The following BAZ1B variants were observed in gnomAD, a reference collection of about 807,000 sequenced individuals.
BAZ1B encodes tyrosine-protein kinase BAZ1B.
In BAZ1B, 22 loss-of-function variants were observed where a neutral mutation model predicts 153.8. The ratio of observed to expected loss-of-function variants is 0.14; its 90% CI spans 0.10 to 0.20. BAZ1B has a LOEUF of 0.20. BAZ1B is among the 10% of genes least tolerant of loss of function. BAZ1B has a pLI of 1.00. For synonymous variants in BAZ1B, 676 were observed against 633.4 expected (o/e 1.07, Z -1.01); for missense variants, 1,325 against 1,799.3 (o/e 0.74, Z 4.77).
chr7:73,481,269 T>C (rs1427539471), intron 6 of BAZ1B, among the ~76,000 whole-genome samples: 1 of 151,138 alleles, frequency 6.6e-6, no homozygotes, highest in African/African-American at 2.4e-5. Context: ...GGTTCACGCC[T>C]GTAATCCCAG....
intron 4 of BAZ1B, among the ~76,000 whole-genome samples, chr7:73,497,065 C>CAAAAAAAAAAAAAAAAAAAAAAA (rs1156829240): frequency 3.2e-4 from 16 of 49,484 alleles, no homozygotes; most frequent in African/African-American, 9.7e-4. Flanking sequence ...CTGACCTCTA[C>CAAAAAAAAAAAAAAAAAAAAAAA]AAAAAAAAAA....
intron 11 of BAZ1B, 140 bp from the exon 12 acceptor site, chr7:73,463,239 C>A: frequency 1.1e-4 from 52 of 466,228 alleles, no homozygotes; most frequent in Non-Finnish European, 1.7e-4. Flanking sequence ...TTTCTTTTTT[C>A]TTTTTTTTTT....
At chr7:73,516,516 G>A (rs1336453873) in intron 1 of BAZ1B, among the ~76,000 whole-genome samples, 3 of 151,948 alleles carry the variant, frequency 2.0e-5, no homozygotes, top group Non-Finnish European at 4.4e-5. Context: ...CAGGCGCGGT[G>A]GCTCACGTCT....
In BAZ1B at chr7:73,521,986, G is replaced by C. The variant is rs555156694; in HGVS notation, c.-53C>G. ...CTGCTGGGGCCGGCCCCGCGGCGCA[G>C]CACTAGGCCCCGCGGCCCGGAGCGA... On this transcript the variant is annotated 5_prime_UTR_variant, in exon 1 of 20. Transcript: ENST00000339594. 1 of 1,212,886 alleles carries C rather than the reference G, an allele frequency of 8.2e-7. No individual in the cohort carries two copies. Among genetic ancestry groups the C allele is most frequent in the Non-Finnish European group, 1.0e-6 (1 of 966,186 alleles). The allele number at this position is 1,212,886 out of a possible 1,614,324, so 75.1% of individuals were successfully genotyped here.
Position 73,450,959 on chromosome 7 carries a change from G to T in BAZ1B, c.3468C>A (p.Ile1156=). The change falls in exon 14 of 20, where the codon ATC becomes ATA. Residue 1156 remains isoleucine (I), a synonymous_variant. Coordinates refer to ENST00000339594, the MANE Select transcript of BAZ1B (RefSeq NM_032408.4). This position sits in a 1 kb window ranked among gnomAD's most constrained non-coding sequence, Gnocchi z 4.1. ...TCCTGGAGAAAGTCTGAGCTTCCCG[G>T]ATTGCTGTCTTCCATTTCTCCAGTG... ...ASALEKWKTA[I]REAQTFSRMH... is the part of the protein sequence containing the mutation. 1 of 1,614,168 alleles carries T rather than the reference G, an allele frequency of 6.2e-7. No individual in the cohort carries two copies. Among genetic ancestry groups the T allele is most frequent in the African/African-American group, 1.3e-5 (1 of 75,024 alleles).
In BAZ1B at chr7:73,498,605, C is replaced by T; in HGVS notation, c.463G>A (p.Ala155Thr). ...TTGTCACTTGATGGAGAATCACAGG[C>T]ACCATCAGATTTCTTCTCAGTGGCC... ...EEATEKKSDG[A>T]CDSPSSDKEN... The change falls in exon 4 of 20, where the codon GCC becomes ACC. Residue 155 changes from alanine to threonine, a missense_variant. Transcript: ENST00000339594. 1 of 1,614,088 alleles carries T rather than the reference C, an allele frequency of 6.2e-7. No homozygotes were observed. The highest frequency in any genetic ancestry group is 1.3e-5 in the African/African-American group (1 of 75,040).
At chr7:73,466,223 A>T in intron 10 of BAZ1B, 73 bp downstream of exon 10, 1 of 1,076,176 alleles carries the variant, frequency 9.3e-7, no homozygotes, top group East Asian at 2.4e-5. Flanking sequence ...CACTGGCATC[A>T]CTATACTAAA....
Position 73,477,783 on chromosome 7 carries a change from C to T in BAZ1B, c.1678G>A (p.Glu560Lys). ...KREELKKKLK[E>K]KAKERREKEM... ...TTCTCTCTTCGTTCTTTGGCTTTTT[C>T]CTTCAACTTCTTTTTCAGCTCCTCC... Residue 560 changes from glutamate to lysine, a missense_variant, in exon 7 of 20, where the codon GAA (glutamate) becomes AAA (lysine). By Grantham distance (56) the Glu-to-Lys change is moderately conservative. Transcript: ENST00000339594. The surrounding 1 kb of genome is among the most constrained non-coding windows in gnomAD (Gnocchi z 5.6). The T allele has an allele frequency of 6.2e-7, 1 of 1,614,132 alleles. No homozygotes were observed. Among genetic ancestry groups the T allele is most frequent in the Non-Finnish European group, 8.5e-7 (1 of 1,180,030 alleles).
chr7:73,483,636 C>CT (rs201005746), intron 6 of BAZ1B, among the ~76,000 whole-genome samples: 1,686 of 150,446 alleles, frequency 0.011, 13 homozygotes, highest in Non-Finnish European at 0.016. Context: ...AACTCACAAA[C>CT]TTTTTTTTTT....
At chr7:73,476,650 T>C (rs183234504) in intron 7 of BAZ1B, among the ~76,000 whole-genome samples, 10 of 152,176 alleles carry the variant, frequency 6.6e-5, no homozygotes, top group Non-Finnish European at 1.5e-4. Context: ...CAACATCACA[T>C]TAACTTATTA....
At chr7:73,498,378 C>T in intron 4 of BAZ1B, 119 bp downstream of exon 4, 1 of 947,084 alleles carries the variant, frequency 1.1e-6, no homozygotes, top group South Asian at 1.6e-5. Context: ...CATAAATGAA[C>T]AAAATCATGT....
rs799215 is a variant in BAZ1B, at chr7:73,459,758, C to A, written c.3250-40G>T. On this transcript the variant is annotated intron_variant, in intron 12 of 19. Transcript: ENST00000339594. ...TTTAAAACCAGACTGAGAAAAGGCC[C>A]AGAGGAAGACGAAAGGAATCCAACC... 3,559 of 1,530,098 alleles carry A rather than the reference C, an allele frequency of 2.3e-3. 85 individuals are homozygous for A. The African/African-American group carries it at 0.044, about 19-fold the overall frequency. 94.8% of individuals were successfully genotyped at this position (1,530,098 alleles called of 1,614,324 possible).
At chr7:73,506,220 C>G (rs569093821) in intron 3 of BAZ1B, among the ~76,000 whole-genome samples, 8 of 152,056 alleles carry the variant, frequency 5.3e-5, no homozygotes, top group Non-Finnish European at 1.2e-4. Context: ...CAAATAAGGC[C>G]GGGCGCACTG....
intron 11 of BAZ1B, 133 bp from the exon 12 acceptor site, chr7:73,463,232 CTTTTTTCTTTTTTTTTTTTTTTTT>C: frequency 1.6e-6 from 1 of 638,504 alleles, no homozygotes; most frequent in South Asian, 2.3e-5. Context: ...GGTGTTTTTT[CTTTTTTCTTTTTTTTTTTTTTTTT>C]TCCCCCGAGA....
chr7:73,492,805 C>T lies in BAZ1B; in HGVS notation c.688G>A (p.Asp230Asn). 6.2e-7 allele frequency: 1 copy of T among 1,602,372 alleles called. No individual in the cohort carries two copies. The highest frequency in any genetic ancestry group is 8.5e-7 in the Non-Finnish European group (1 of 1,176,210). The change falls in exon 5 of 20, where the codon GAT (aspartate) becomes AAT (asparagine). Residue 230 changes from aspartate to asparagine, a missense_variant. Asp to Asn is a conservative substitution (Grantham distance 23). Coordinates refer to ENST00000339594, the MANE Select transcript of BAZ1B (RefSeq NM_032408.4). ...AAAGTAAAGTGTCAACTAACCTTAT[C>T]TTCATTTTGTAGTTTCACATCATAT... Reference protein sequence around the residue: ...HKYDVKLQNEDKIISNVPADS... With the variant: ...HKYDVKLQNENKIISNVPADS...
intron 9 of BAZ1B, among the ~76,000 whole-genome samples, chr7:73,466,684 T>C (rs1554571205): frequency 6.6e-6 from 1 of 152,146 alleles, no homozygotes; most frequent in Non-Finnish European, 1.5e-5. Context: ...TATCTTTATA[T>C]CAAAGCAAAA....
At chr7:73,475,042 C>T (rs1482232244) in intron 7 of BAZ1B, among the ~76,000 whole-genome samples, 7 of 152,272 alleles carry the variant, frequency 4.6e-5, no homozygotes, top group South Asian at 2.1e-4. Flanking sequence ...TTCACACCCA[C>T]TAGTATGACT....
intron 6 of BAZ1B, among the ~76,000 whole-genome samples, chr7:73,481,516 C>CAAAA (rs55689155): frequency 1.8e-5 from 1 of 55,078 alleles, no homozygotes; most frequent in Non-Finnish European, 3.5e-5. Context: ...GACTCCATCT[C>CAAAA]AAAAAAAAAA....
intron 7 of BAZ1B, among the ~76,000 whole-genome samples, chr7:73,472,153 G>A (rs572673051): frequency 1.3e-5 from 2 of 152,184 alleles, no homozygotes; most frequent in East Asian, 1.9e-4. Context: ...ATAAAACACA[G>A]TGGAGCAGTC....
Sources: gnomAD v4.1 joint callset for allele counts (sites outside exome capture counted in the v4.1 genomes callset) on GRCh38, gnomAD v4.1.1 for gene constraint, Gnocchi (gnomAD v3.1) non-coding constraint, MANE v1.5 for transcripts, NCBI Gene and HGNC (gene_info 2026-07-23, HGNC 2026-07-21) for gene names.